The following DNAH5 variants were observed in gnomAD, a reference collection of about 807,000 sequenced individuals.
DNAH5 encodes the protein dynein axonemal heavy chain 5.
DNAH5 carries 372 observed loss-of-function variants against 518.2 expected under a neutral mutation model. The observed-to-expected ratio is 0.72, with a 90% CI of 0.66 to 0.78. The LOEUF (loss-of-function observed/expected upper bound fraction) is 0.78, where lower values mean the gene tolerates loss of function less well. Among genes scored for constraint, DNAH5 ranks in the 30% least tolerant of loss-of-function variants. The pLI is 0.00. For missense variants in DNAH5, 5,523 were observed against 5,687.0 expected (o/e 0.97, Z 0.93); for synonymous variants, 2,039 against 2,025.9 (o/e 1.01, Z -0.17).
intron 15 of DNAH5, chr5:13,899,938 A>G: frequency 2.2e-6 from 1 of 462,158 alleles, no homozygotes; most frequent in South Asian, 2.8e-5. Flanking sequence ...TATTATAAAA[A>G]GAGATCGTGC....
intron 58 of DNAH5, among the ~76,000 whole-genome samples, chr5:13,768,731 A>G (rs1275524781): frequency 6.6e-6 from 1 of 152,204 alleles, no homozygotes; most frequent in Non-Finnish European, 1.5e-5. Flanking sequence ...CCACCAGTAT[A>G]TGGCATTGCC....
Position 13,707,570 on chromosome 5 carries a change from C to T in DNAH5, c.13338+553G>A, listed in dbSNP as rs1275817422. On this transcript the variant is annotated intron_variant, in intron 76 of 78. Transcript: ENST00000265104. This position sits in a 1 kb window ranked among gnomAD's most constrained non-coding sequence, Gnocchi z 4.0. ...TCCCTACAACCTGCCCCTCTGCATG[C>T]TCCCCCTAGGGATTTCAGCAGCAGG... Among the ~76,000 whole-genome samples, 1 of 152,232 alleles carries T rather than the reference C, an allele frequency of 6.6e-6. No homozygotes were observed. The highest frequency in any genetic ancestry group is 2.4e-5 in the African/African-American group (1 of 41,452).
chr5:13,726,867 A>G (rs1317818428), intron 70 of DNAH5, among the ~76,000 whole-genome samples: 1 of 152,246 alleles, frequency 6.6e-6, no homozygotes, highest in Admixed American at 6.5e-5. Context: ...TGGGCTGAAT[A>G]TCAGCGTTAA....
At chr5:13,745,436 C>T (rs1216741406) in intron 65 of DNAH5, among the ~76,000 whole-genome samples, 1 of 152,062 alleles carries the variant, frequency 6.6e-6, no homozygotes, top group African/African-American at 2.4e-5. Flanking sequence ...AAAATTCATG[C>T]TTCCTTGCAT....
chr5:13,729,927 AG>A (rs1206508396), intron 68 of DNAH5, among the ~76,000 whole-genome samples: 4 of 152,248 alleles, frequency 2.6e-5, no homozygotes, highest in African/African-American at 9.6e-5. Flanking sequence ...AAAACAGGAT[AG>A]AGGACATGGC....
chr5:13,808,246 A>AAAAAAAAAAAAAAAG (rs1377994954), intron 46 of DNAH5, among the ~76,000 whole-genome samples: 13 of 143,764 alleles, frequency 9.0e-5, no homozygotes, highest in African/African-American at 3.0e-4. Context: ...AAAAAAAAAA[A>AAAAAAAAAAAAAAAG]AAGAGGAAAT....
chr5:13,786,047 G>A, intron 52 of DNAH5, 132 bp downstream of exon 52: 1 of 877,244 alleles, frequency 1.1e-6, no homozygotes, highest in Non-Finnish European at 1.8e-6. Flanking sequence ...AAATTAAATT[G>A]GAATATAGCA....
intron 1 of DNAH5, among the ~76,000 whole-genome samples, chr5:13,991,564 AGGAAGAGGAGAAAGAGGAGGAGGAGGG>A (rs1229843645): frequency 1.4e-5 from 2 of 143,126 alleles, no homozygotes; most frequent in African/African-American, 5.2e-5. Flanking sequence ...GAGGAGGAGG[AGGAAGAGGAGAAAGAGGAGGAGGAGGG>A]GGAAGAGGAG....
chr5:13,950,186 T>C (rs1485681375), intron 1 of DNAH5, among the ~76,000 whole-genome samples: 1 of 152,224 alleles, frequency 6.6e-6, no homozygotes, highest in Non-Finnish European at 1.5e-5. Flanking sequence ...AACACTGCAG[T>C]ACTGTTATGC....
chr5:13,833,637 G>A (rs1300396895), intron 35 of DNAH5, among the ~76,000 whole-genome samples: 1 of 152,106 alleles, frequency 6.6e-6, no homozygotes, highest in Admixed American at 6.5e-5. Context: ...GCTGCTAGGG[G>A]CAGAGCTGAG....
At chr5:13,713,124 T>TAC (rs1484302564) in intron 75 of DNAH5, among the ~76,000 whole-genome samples, 44 of 146,618 alleles carry the variant, frequency 3.0e-4, no homozygotes, top group East Asian at 1.4e-3. Context: ...TATATATATA[T>TAC]ACACACACAC....
chr5:13,819,265 T>G (rs756260243), intron 41 of DNAH5, among the ~76,000 whole-genome samples: 7 of 152,136 alleles, frequency 4.6e-5, no homozygotes, highest in Non-Finnish European at 1.0e-4. Context: ...AACCACGTGA[T>G]AAGTCCTGCA....
chr5:13,938,190 C>G (rs77337247), intron 1 of DNAH5, among the ~76,000 whole-genome samples: 1 of 152,104 alleles, frequency 6.6e-6, no homozygotes, highest in Non-Finnish European at 1.5e-5. Flanking sequence ...CATCTGCTCC[C>G]GGCACCCAAT....
chr5:13,922,132 C>T lies in DNAH5; in HGVS notation c.635G>A (p.Gly212Asp), dbSNP rs558867696. 3 of 1,613,954 alleles carry T rather than the reference C, an allele frequency of 1.9e-6. No homozygotes were observed. Among genetic ancestry groups the T allele is most frequent in the South Asian group, 1.1e-5 (1 of 91,072 alleles). Reference protein sequence around the residue: ...SLEGFVNVLSGAQESLKEKVN... With the variant: ...SLEGFVNVLSDAQESLKEKVN... ...CTTCTCCTTCAGACTCTCCTGTGCACCCGACAGGACGTTCACAAAGCCTTC... is the reference window on the plus strand; with the variant it reads ...CTTCTCCTTCAGACTCTCCTGTGCATCCGACAGGACGTTCACAAAGCCTTC... The change falls in exon 5 of 79, where the codon GGT becomes GAT. Residue 212 changes from glycine to aspartate, a missense_variant. Physicochemically the swap from Gly to Asp is moderately conservative, Grantham distance 94. This residue lies in a region of DNAH5 where 5,121 missense variants were observed against 5,223.3 expected (regional missense o/e 0.98). Coordinates refer to ENST00000265104, the MANE Select transcript of DNAH5 (RefSeq NM_001369.3).
At chr5:13,826,595 T>A (rs1762922325) in intron 38 of DNAH5, among the ~76,000 whole-genome samples, 1 of 152,202 alleles carries the variant, frequency 6.6e-6, no homozygotes, top group East Asian at 1.9e-4. Context: ...GAAGAATGTG[T>A]TGCTTCCCCT....
chr5:13,758,946 G>A lies in DNAH5; in HGVS notation c.10319C>T (p.Ala3440Val). The A allele has an allele frequency of 6.2e-7, 1 of 1,614,138 alleles. No homozygotes were observed. The highest frequency in any genetic ancestry group is 8.5e-7 in the Non-Finnish European group (1 of 1,180,018). ...LVVQENRHLL[A>V]MQDLQKAQAE... ...CTGGGCTTTCTGCAGATCCTGCATG[G>A]CCAGGAGATGGCGATTCTCTTGCAC... The change falls in exon 61 of 79, where the codon GCC (alanine) becomes GTC (valine). Residue 3440 changes from alanine (A) to valine (V), a missense_variant. By Grantham distance (64) the Ala-to-Val change is moderately conservative. Around this residue, in one of 3 missense-constraint regions of DNAH5, gnomAD observed 5,121 missense variants for 5,223.3 expected, o/e 0.98. Coordinates refer to ENST00000265104, the MANE Select transcript of DNAH5 (RefSeq NM_001369.3).
intron 61 of DNAH5, among the ~76,000 whole-genome samples, chr5:13,757,748 T>A (rs1422213583): frequency 6.6e-6 from 1 of 152,170 alleles, no homozygotes; most frequent in Non-Finnish European, 1.5e-5. Context: ...GAACAGACAT[T>A]TTTCAAAAGT....
rs2151914274 is a variant in DNAH5 at position 13,867,993 on chromosome 5, CT to C, written c.3835-2del. The C allele has an allele frequency of 1.6e-5, 26 of 1,586,756 alleles. No homozygotes were observed. The highest frequency in any genetic ancestry group is 2.1e-5 in the Non-Finnish European group (25 of 1,165,354). On this transcript the variant is annotated splice_acceptor_variant, in intron 24 of 78. Coordinates refer to ENST00000265104, the MANE Select transcript of DNAH5 (RefSeq NM_001369.3). LOFTEE classifies it high-confidence loss of function. The stretch of plus-strand genomic sequence containing the variant: ...ATCTGTTAAGCAGGGCATAAGATTC[CT>C]AAAAAAAAATAGGAAAAACTTAATT...
chr5:13,763,384 A>T (rs1752042376), intron 59 of DNAH5, among the ~76,000 whole-genome samples: 1 of 152,224 alleles, frequency 6.6e-6, no homozygotes. Flanking sequence ...TATTAAACTC[A>T]CCTAAAATGT....
Sources: allele counts gnomAD v4.1 joint callset (sites outside exome capture counted in the v4.1 genomes callset), GRCh38; gene constraint gnomAD v4.1.1; regional missense constraint gnomAD v4.1.1; non-coding constraint Gnocchi (gnomAD v3.1); transcripts MANE v1.5; gene names NCBI Gene and HGNC (gene_info 2026-07-23, HGNC 2026-07-21).